APCDD1: variants seen among roughly 807,000 people sequenced by gnomAD.
APCDD1 encodes the protein protein APCDD1.
In APCDD1, 15 loss-of-function variants were observed where a neutral mutation model predicts 38.1. The observed-to-expected ratio is 0.39, with a 90% confidence interval of 0.26 to 0.61. The LOEUF (loss-of-function observed/expected upper bound fraction) is 0.61, where lower values mean the gene tolerates loss of function less well. APCDD1 is among the 20% of genes least tolerant of loss of function. APCDD1 has a pLI of 0.49. For missense variants in APCDD1, 647 were observed against 696.2 expected, an observed-to-expected ratio of 0.93 and a Z score of 0.79; for synonymous variants, 261 against 279.7, an observed-to-expected ratio of 0.93 and a Z score of 0.67.
Position 10,485,829 on chromosome 18 carries a change from C to G in APCDD1, c.1096+46C>G, listed in dbSNP as rs1464304633. On this transcript the variant is annotated intron_variant, in intron 4 of 4. Transcript: ENST00000355285. The surrounding 1 kb of genome is among the most constrained non-coding windows in gnomAD (Gnocchi z 5.8). ...CCCAGTATCACAGCCAATAAACAGC[C>G]CTGTGACATTTTTGTGGAGGCAGAG... The G allele has an allele frequency of 6.3e-7, 1 of 1,592,046 alleles. No homozygotes were observed. Among genetic ancestry groups the G allele is most frequent in the African/African-American group, 1.3e-5 (1 of 74,720 alleles).
intron 1 of APCDD1, among the ~76,000 whole-genome samples, chr18:10,464,321 C>CAG (rs2143520284): frequency 6.7e-6 from 1 of 150,288 alleles, no homozygotes; most frequent in Admixed American, 6.6e-5. Context: ...AACACACACA[C>CAG]ACACACACAC....
rs529185489 is a variant in APCDD1, at chr18:10,468,470, G to A, written c.60G>A (p.Gly20=). The change falls in exon 2 of 5, where the codon GGG becomes GGA. Residue 20 remains glycine, a splice_region_variant and synonymous_variant. Transcript: ENST00000355285. ...RYLFPALLLH[G]LGEGSALLHP... is the part of the protein sequence containing the mutation. ...TAACTTTCCACCTTTATTTTTCAGG[G>A]CTGGGAGAGGGTTCTGCCCTCCTTC... The A allele has an allele frequency of 8.7e-6, 14 of 1,614,130 alleles. No individual in the cohort carries two copies. Among genetic ancestry groups the A allele is most frequent in the African/African-American group, 2.7e-5 (2 of 75,020 alleles).
At chr18:10,465,404 T>C (rs479107) in intron 1 of APCDD1, among the ~76,000 whole-genome samples, 44,238 of 152,138 alleles carry the variant, frequency 0.29, 6,758 homozygotes, top group East Asian at 0.46. Context: ...GGTTTTTTTC[T>C]TCCCTCACTC....
chr18:10,459,942 G>T (rs947573261), intron 1 of APCDD1, among the ~76,000 whole-genome samples: 11 of 152,184 alleles, frequency 7.2e-5, no homozygotes, highest in African/African-American at 2.7e-4. Context: ...GAACAGAAAA[G>T]AATCATTTTA....
chr18:10,475,418 A>G lies in APCDD1; in HGVS notation c.774+3357A>G. On this transcript the variant is annotated intron_variant, in intron 3 of 4. Coordinates refer to ENST00000355285, the MANE Select transcript of APCDD1 (RefSeq NM_153000.5). This position sits in a 1 kb window ranked among gnomAD's most constrained non-coding sequence, Gnocchi z 4.0. Reference sequence around the variant, plus strand: ...GAGACATATTGTTAAGTAGGAAAAAAGGAAGTTATAAAATAGCGTGAATAA... The same window carrying G: ...GAGACATATTGTTAAGTAGGAAAAAGGGAAGTTATAAAATAGCGTGAATAA... Among the ~76,000 whole-genome samples, 1 of 152,214 alleles carries G rather than the reference A, an allele frequency of 6.6e-6. No individual in the cohort carries two copies.
intron 1 of APCDD1, among the ~76,000 whole-genome samples, chr18:10,462,948 T>C (rs2030609325): frequency 2.0e-5 from 3 of 152,018 alleles, no homozygotes; most frequent in African/African-American, 7.3e-5. Flanking sequence ...TTTTCCAAAA[T>C]AAAATTCTTA....
intron 4 of APCDD1, among the ~76,000 whole-genome samples, 175 bp from the exon 5 acceptor site, chr18:10,487,415 C>T (rs1207534705): frequency 1.3e-5 from 2 of 152,182 alleles, no homozygotes; most frequent in East Asian, 3.9e-4. Flanking sequence ...TTGAACTCTT[C>T]TCCGCCTGAC....
intron 3 of APCDD1, among the ~76,000 whole-genome samples, chr18:10,483,530 G>T (rs2031185078): frequency 6.6e-6 from 1 of 152,218 alleles, no homozygotes; most frequent in African/African-American, 2.4e-5. Context: ...AGCAGCAGCT[G>T]GGAAGCCCAC....
At chr18:10,466,811 T>A (rs1480594041) in intron 1 of APCDD1, among the ~76,000 whole-genome samples, 2 of 152,198 alleles carry the variant, frequency 1.3e-5, no homozygotes, top group African/African-American at 2.4e-5. Context: ...CAGGCAAGAA[T>A]CAGGGGACTT....
rs1206880517 is a variant in APCDD1 at position 10,488,377 on chromosome 18, G to T, written c.*339G>T. On this transcript the variant is annotated 3_prime_UTR_variant, in exon 5 of 5. Transcript: ENST00000355285. ...CTCTTAATTATTATTATATTTCTGAGTTAAACTTAGAAGAAACAACTATCA... is the reference window on the plus strand; with the variant it reads ...CTCTTAATTATTATTATATTTCTGATTTAAACTTAGAAGAAACAACTATCA... 1 of 214,544 alleles carries T rather than the reference G, an allele frequency of 4.7e-6. No homozygotes were observed. The highest frequency in any genetic ancestry group is 9.2e-6 in the Non-Finnish European group (1 of 108,316). 13.3% of individuals were successfully genotyped at this position (214,544 alleles called of 1,614,324 possible).
At chr18:10,458,365 C>T (rs2030435745) in intron 1 of APCDD1, among the ~76,000 whole-genome samples, 1 of 152,172 alleles carries the variant, frequency 6.6e-6, no homozygotes, top group Non-Finnish European at 1.5e-5. Flanking sequence ...GAGAGTTTAA[C>T]CGACATAATG....
rs1043007297 is a variant in APCDD1 at position 10,466,550 on chromosome 18, T to C, written c.59-1919T>C. On this transcript the variant is annotated intron_variant, in intron 1 of 4. Coordinates refer to ENST00000355285, the MANE Select transcript of APCDD1 (RefSeq NM_153000.5). ...AAATGCATGTGCTTTGTAAATAGGC[T>C]GGTTTTGAAAAGAGAAAAATGACTG... Among the ~76,000 whole-genome samples, 8 of 152,262 alleles carry C rather than the reference T, an allele frequency of 5.3e-5. 1 individual carries two copies. In the South Asian group the frequency reaches 1.4e-3, roughly 28 times the overall value.
At chr18:10,461,815 A>C (rs2030549057) in intron 1 of APCDD1, among the ~76,000 whole-genome samples, 1 of 152,214 alleles carries the variant, frequency 6.6e-6, no homozygotes, top group Non-Finnish European at 1.5e-5. Flanking sequence ...TCCATTCCCT[A>C]GTCCCCTTAA....
chr18:10,457,467 G>A (rs1206623862), intron 1 of APCDD1, among the ~76,000 whole-genome samples: 2 of 152,126 alleles, frequency 1.3e-5, no homozygotes, highest in East Asian at 3.8e-4. Flanking sequence ...AAATCTGAAG[G>A]CAATTCTTGA....
intron 3 of APCDD1, among the ~76,000 whole-genome samples, chr18:10,483,856 C>G (rs536590913): frequency 1.3e-5 from 2 of 152,362 alleles, no homozygotes; most frequent in African/African-American, 4.8e-5. Context: ...CAGCGTTCTG[C>G]TAGCCTACCA....
chr18:10,486,884 T>C (rs1014495610), intron 4 of APCDD1, among the ~76,000 whole-genome samples: 1 of 152,212 alleles, frequency 6.6e-6, no homozygotes, highest in African/African-American at 2.4e-5. Flanking sequence ...TCCTTTTGGG[T>C]AGCAAGGTTT....
In APCDD1 at chr18:10,485,494, C is replaced by T. The variant is rs748706059; in HGVS notation, c.807C>T (p.Ile269=). Residue 269 remains isoleucine (I), a synonymous_variant, in exon 4 of 5, where the codon ATC becomes ATT. Transcript: ENST00000355285. This position sits in a 1 kb window ranked among gnomAD's most constrained non-coding sequence, Gnocchi z 5.8. ...NHDHACIACR[I]IYRSDEHHPP... Reference sequence around the variant, plus strand: ...ACCATGCCTGCATCGCCTGTCGGATCATCTATCGGTCAGACGAGCACCACC... The same window carrying T: ...ACCATGCCTGCATCGCCTGTCGGATTATCTATCGGTCAGACGAGCACCACC... 1.2e-6 allele frequency: 2 copies of T among 1,614,166 alleles called. No homozygotes were observed. The highest frequency in any genetic ancestry group is 4.5e-5 in the East Asian group (2 of 44,868).
At chr18:10,483,699 A>T (rs1030397586) in intron 3 of APCDD1, among the ~76,000 whole-genome samples, 1 of 152,214 alleles carries the variant, frequency 6.6e-6, no homozygotes, top group African/African-American at 2.4e-5. Context: ...GGTGCCCCTC[A>T]GCCTTGGCCA....
chr18:10,464,802 A>G (rs185864646), intron 1 of APCDD1, among the ~76,000 whole-genome samples: 104 of 152,310 alleles, frequency 6.8e-4, no homozygotes, highest in Non-Finnish European at 1.1e-3. Context: ...TCTCTTCTAC[A>G]TTGAGGGTCA....
Sources: gnomAD v4.1 joint callset for allele counts (sites outside exome capture counted in the v4.1 genomes callset) on GRCh38, gnomAD v4.1.1 for gene constraint, Gnocchi (gnomAD v3.1) non-coding constraint, MANE v1.5 for transcripts, NCBI Gene and HGNC (gene_info 2026-07-23, HGNC 2026-07-21) for gene names.